Variants in ZNF814 observed in about 807,000 individuals in gnomAD.
ZNF814 encodes zinc finger protein 814.
ZNF814 carries 5 observed loss-of-function variants against 7.5 expected under a neutral mutation model. The ratio of observed to expected loss-of-function variants is 0.67; its 90% CI spans 0.35 to 1.40. The LOEUF (loss-of-function observed/expected upper bound fraction) is 1.40. Ranked by LOEUF, ZNF814 falls within the 40% of genes most tolerant of loss-of-function variation. ZNF814 has a pLI of 0.04. For synonymous variants in ZNF814, 315 were observed against 340.7 expected (o/e 0.92, Z 0.83); for missense variants, 962 against 1,018.0 (o/e 0.94, Z 0.75).
At chr19:57,887,112 C>G (rs1001467080) in intron 1 of ZNF814, among the ~76,000 whole-genome samples, 1 of 152,046 alleles carries the variant, frequency 6.6e-6, no homozygotes, top group Non-Finnish European at 1.5e-5. Context: ...CGCTTGAACC[C>G]GGGAGGCAGA....
chr19:57,901,218 A>G, the ZNF814 span, among the ~76,000 whole-genome samples: 2 of 152,160 alleles, frequency 1.3e-5, no homozygotes, highest in African/African-American at 4.8e-5. Context: ...GAGATAGTTG[A>G]AAGAGCTCAT....
chr19:57,896,143 C>A, the ZNF814 span, among the ~76,000 whole-genome samples: 1 of 142,252 alleles, frequency 7.0e-6, no homozygotes, highest in Non-Finnish European at 1.5e-5. The surrounding 1 kb of genome is among the most constrained non-coding windows in gnomAD (Gnocchi z 4.2). Flanking sequence ...AGCCTTTGAG[C>A]GAGCCACTTT....
the ZNF814 span, chr19:57,901,774 T>C: frequency 5.0e-6 from 2 of 398,520 alleles, no homozygotes; most frequent in African/African-American, 4.1e-5. Context: ...ATGATGGTGG[T>C]ACTTACTGTG....
chr19:57,902,764 C>T, the ZNF814 span, among the ~76,000 whole-genome samples: 1 of 151,850 alleles, frequency 6.6e-6, no homozygotes, highest in African/African-American at 2.4e-5. Context: ...TGGTTCATGC[C>T]TTTCTCCTGC....
chr19:57,888,790 C>T lies in ZNF814; in HGVS notation c.13G>A (p.Ala5Thr), dbSNP rs1317808646. The T allele has an allele frequency of 5.2e-6, 8 of 1,551,976 alleles. No homozygotes were observed. In the Admixed American group the frequency reaches 1.6e-4, roughly 30 times the overall value. MAAA[A>T]TLRLSAQGTV... ...ACCTGAGCGGAGAGCCTCAGCGTAG[C>T]CGCGGCAGCCATCGAACCACGTGGT... is the stretch of plus-strand genomic sequence containing the variant. The change falls in exon 1 of 3, where the codon GCT becomes ACT. Residue 5 changes from alanine (A) to threonine (T), a missense_variant. Ala to Thr is a moderately conservative substitution (Grantham distance 58). Coordinates refer to ENST00000435989, the MANE Select transcript of ZNF814 (RefSeq NM_001144989.2).
At chr19:57,886,429 C>T (rs2071694186) in intron 1 of ZNF814, among the ~76,000 whole-genome samples, 1 of 152,190 alleles carries the variant, frequency 6.6e-6, no homozygotes, top group African/African-American at 2.4e-5. Context: ...TCTGTTCTTC[C>T]TTTGATTGGC....
At chr19:57,892,336 A>G (rs1288698811), upstream of ZNF814, among the ~76,000 whole-genome samples, 1 of 152,242 alleles carries the variant, frequency 6.6e-6, no homozygotes, top group Non-Finnish European at 1.5e-5. Flanking sequence ...ATACCCAGAT[A>G]AAGAATGAGA....
At position 57,877,083 on chromosome 19, in the gene ZNF814, T is replaced by C. The variant is rs767139057; in HGVS notation, c.37-41A>G. 30 of 1,609,284 alleles carry C rather than the reference T, an allele frequency of 1.9e-5. No individual in the cohort carries two copies. The Admixed American group carries it at 5.0e-4, about 27-fold the overall frequency. The stretch of plus-strand genomic sequence containing the variant: ...CAGATGAAACTACAAACTGCCCCTA[T>C]GCTGAGGTATCACAATCCATCTCTC... On this transcript the variant is annotated intron_variant, in intron 1 of 2. Transcript: ENST00000435989.
At chr19:57,902,741 C>T in the ZNF814 span, among the ~76,000 whole-genome samples, 24 of 151,782 alleles carry the variant, frequency 1.6e-4, no homozygotes, top group East Asian at 3.5e-3. Flanking sequence ...GCCCACTGCA[C>T]GCTCTGCCTC....
chr19:57,890,552 G>A (rs895041423), upstream of ZNF814, among the ~76,000 whole-genome samples: 3 of 152,124 alleles, frequency 2.0e-5, no homozygotes, highest in Non-Finnish European at 4.4e-5. Context: ...AGTCAAAGTT[G>A]TTCTCTTGTG....
chr19:57,890,525 G>T (rs1413120462), upstream of ZNF814, among the ~76,000 whole-genome samples: 5 of 152,094 alleles, frequency 3.3e-5, 1 homozygote, highest in East Asian at 9.6e-4. Context: ...GGTTGGGTTG[G>T]AGATGAAATC....
chr19:57,897,030 A>G, the ZNF814 span, among the ~76,000 whole-genome samples: 1 of 152,218 alleles, frequency 6.6e-6, no homozygotes, highest in African/African-American at 2.4e-5. Context: ...GTGACAGAAT[A>G]AATGTTACAG....
At chr19:57,881,145 CAG>C (rs2071650426) in intron 1 of ZNF814, among the ~76,000 whole-genome samples, 3 of 144,316 alleles carry the variant, frequency 2.1e-5, no homozygotes, top group Admixed American at 6.9e-5. Flanking sequence ...CAGTGACTGT[CAG>C]ACGTTGCACA....
chr19:57,873,318 C>A lies in ZNF814; in HGVS notation c.2072G>T (p.Arg691Met), dbSNP rs1324825474. The A allele has an allele frequency of 6.3e-7, 1 of 1,589,150 alleles. No individual in the cohort carries two copies. The highest frequency in any genetic ancestry group is 1.1e-5 in the South Asian group (1 of 88,940). Reference sequence around the variant, plus strand: ...CTTCTTAAATAATTTTCCACATTCCCTACATACATAAGGTCTTTCTCCAGT... The same window carrying A: ...CTTCTTAAATAATTTTCCACATTCCATACATACATAAGGTCTTTCTCCAGT... The part of the protein sequence containing the change: ...GHTGERPYVC[R>M]ECGKLFKKKS... The change falls in exon 3 of 3, where the codon AGG (arginine) becomes ATG (methionine). Residue 691 changes from arginine to methionine, a missense_variant. Physicochemically the swap from Arg to Met is moderately conservative, Grantham distance 91. Coordinates refer to ENST00000435989, the MANE Select transcript of ZNF814 (RefSeq NM_001144989.2).
rs1302848641 is a variant in ZNF814 at position 57,870,608 on chromosome 19, C to T, written c.*2214G>A. The stretch of plus-strand genomic sequence containing the variant: ...ATGGCCTCAACAATACAATATTCAT[C>T]ATTATGGAAGTCCTGATAATTCCTG... On this transcript the variant is annotated 3_prime_UTR_variant, in exon 3 of 3. Coordinates refer to ENST00000435989, the MANE Select transcript of ZNF814 (RefSeq NM_001144989.2). 6.6e-6 allele frequency: 1 copy of T among 152,204 alleles called. No homozygotes were observed. The highest frequency in any genetic ancestry group is 1.5e-5 in the Non-Finnish European group (1 of 68,032). 9.4% of individuals were successfully genotyped at this position (152,204 alleles called of 1,614,324 possible).
chr19:57,883,696 A>T (rs1223549637), intron 1 of ZNF814, among the ~76,000 whole-genome samples: 21 of 151,726 alleles, frequency 1.4e-4, no homozygotes, highest in Non-Finnish European at 5.9e-5. Flanking sequence ...ATTAAAAAAG[A>T]CTTAAATCTA....
chr19:57,876,959 G>A lies in ZNF814; in HGVS notation c.120C>T (p.Tyr40=), dbSNP rs1224116805. The part of the protein sequence containing the change: ...NLLSEAQRCL[Y]RDVTLENLAL... ...CCAGGTTCTCCAGCGTCACATCACG[G>A]TACAGGCATCTCTGAGCCTCACTAA... Residue 40 remains tyrosine (Y), a synonymous_variant, in exon 2 of 3, where the codon TAC becomes TAT. Transcript: ENST00000435989. 2 of 1,613,982 alleles carry A rather than the reference G, an allele frequency of 1.2e-6. No individual in the cohort carries two copies. Among genetic ancestry groups the A allele is most frequent in the Non-Finnish European group, 1.7e-6 (2 of 1,180,016 alleles).
chr19:57,894,498 C>T, the ZNF814 span, among the ~76,000 whole-genome samples: 4 of 151,914 alleles, frequency 2.6e-5, no homozygotes, highest in Non-Finnish European at 5.9e-5. Flanking sequence ...GATTTGTATC[C>T]TAGTGCTTCT....
chr19:57,889,079 C>T (rs1156509404), upstream of ZNF814: 3 of 512,258 alleles, frequency 5.9e-6, 1 homozygote, highest in South Asian at 1.0e-4. Context: ...CCCATTGTCA[C>T]GTGCACACAG....
Sources: allele counts gnomAD v4.1 joint callset (sites outside exome capture counted in the v4.1 genomes callset), GRCh38; gene constraint gnomAD v4.1.1; non-coding constraint Gnocchi (gnomAD v3.1); transcripts MANE v1.5; gene names NCBI Gene and HGNC (gene_info 2026-07-23, HGNC 2026-07-21).